FOXP2: variants seen among roughly 807,000 people sequenced by gnomAD.
FOXP2 encodes forkhead box protein P2.
A neutral mutation model predicts 115.8 loss-of-function variants in FOXP2; 12 were observed. The ratio of observed to expected loss-of-function variants is 0.10; its 90% CI spans 0.07 to 0.17. The LOEUF is 0.17. Among genes scored for constraint, FOXP2 ranks in the 10% least tolerant of loss-of-function variants. FOXP2 has a pLI of 1.00. For synonymous variants in FOXP2, 328 were observed against 297.7 expected, an observed-to-expected ratio of 1.10 and a Z score of -1.05; for missense variants, 629 against 843.5, an observed-to-expected ratio of 0.75 and a Z score of 3.15.
At chr7:114,245,853 C>T (rs1319586993) in intron 1 of FOXP2, among the ~76,000 whole-genome samples, 1 of 129,934 alleles carries the variant, frequency 7.7e-6, no homozygotes, top group African/African-American at 4.1e-5. Context: ...AGTTTTTTTT[C>T]CTTGCGTATT....
intron 16 of FOXP2, chr7:114,668,646 T>TGTGA (rs1189145469): frequency 6.6e-6 from 1 of 152,228 alleles, no homozygotes; most frequent in Non-Finnish European, 1.5e-5. Context: ...TGTGTACATG[T>TGTGA]GTGAGTGTGT....
At chr7:114,319,556 C>A (rs1202669065) in intron 2 of FOXP2, among the ~76,000 whole-genome samples, 1 of 152,110 alleles carries the variant, frequency 6.6e-6, no homozygotes, top group African/African-American at 2.4e-5. Context: ...AAAGAGAGAG[C>A]GTGTGCAGAG....
chr7:114,120,132 C>G (rs1271807308), intron 1 of FOXP2, among the ~76,000 whole-genome samples: 1 of 152,084 alleles, frequency 6.6e-6, no homozygotes, highest in African/African-American at 2.4e-5. Flanking sequence ...AGCAGAGTCT[C>G]AGAGTGGCTA....
chr7:114,655,695 C>T (rs1385652183), intron 10 of FOXP2, among the ~76,000 whole-genome samples: 3 of 152,098 alleles, frequency 2.0e-5, no homozygotes, highest in Admixed American at 6.6e-5. Context: ...TCAGTTGAGA[C>T]GGCCCACACA....
At chr7:114,203,008 A>C (rs2129159988) in intron 1 of FOXP2, among the ~76,000 whole-genome samples, 1 of 152,298 alleles carries the variant, frequency 6.6e-6, no homozygotes, top group African/African-American at 2.4e-5. Context: ...TCATTGCTTA[A>C]TTTACAAATA....
At chr7:114,304,275 G>A (rs1027990593) in intron 2 of FOXP2, among the ~76,000 whole-genome samples, 1 of 152,032 alleles carries the variant, frequency 6.6e-6, no homozygotes, top group African/African-American at 2.4e-5. Context: ...GTAAATAAGT[G>A]TGAGGAGGCT....
intron 3 of FOXP2, among the ~76,000 whole-genome samples, chr7:114,572,244 C>CA (rs60230251): frequency 0.088 from 12,854 of 145,680 alleles, 1,091 homozygotes; most frequent in East Asian, 0.23. Flanking sequence ...TGGTAAATGT[C>CA]AAAAAAAAAA....
chr7:114,102,708 A>ACG (rs1314398485), intron 1 of FOXP2, among the ~76,000 whole-genome samples: 1 of 150,364 alleles, frequency 6.7e-6, no homozygotes, highest in East Asian at 1.9e-4. Flanking sequence ...ACACACACAC[A>ACG]CACACACACA....
At chr7:114,228,900 T>C (rs996007267) in intron 1 of FOXP2, among the ~76,000 whole-genome samples, 2 of 151,650 alleles carry the variant, frequency 1.3e-5, no homozygotes, top group Admixed American at 6.6e-5. Context: ...GTTCTCCCTT[T>C]CAATACTTAT....
intron 1 of FOXP2, among the ~76,000 whole-genome samples, chr7:114,234,648 A>G (rs1794964290): frequency 6.6e-6 from 1 of 152,218 alleles, no homozygotes; most frequent in Admixed American, 6.5e-5. Flanking sequence ...CAAGGCTCTG[A>G]GTTGTTAATG....
chr7:114,252,607 T>C (rs1302947060), intron 1 of FOXP2, among the ~76,000 whole-genome samples: 3 of 152,224 alleles, frequency 2.0e-5, no homozygotes, highest in African/African-American at 7.2e-5. Context: ...TCTCTGATGT[T>C]AGTTTGTATT....
chr7:114,441,160 A>G lies in FOXP2; in HGVS notation c.168+14481A>G, dbSNP rs184567766. Reference sequence around the variant, plus strand: ...AATGATGATCAAATAAAAAATCGGAATGTTCGGCTGGGTGTGGTGGCTCAC... The same window carrying G: ...AATGATGATCAAATAAAAAATCGGAGTGTTCGGCTGGGTGTGGTGGCTCAC... On this transcript the variant is annotated intron_variant, in intron 2 of 16. Transcript: ENST00000350908. Among the ~76,000 whole-genome samples, 5 of 152,240 alleles carry G rather than the reference A, an allele frequency of 3.3e-5. No individual in the cohort carries two copies. The East Asian group carries it at 7.7e-4, about 23-fold the overall frequency.
At chr7:114,609,644 A>AAAGAGAC (rs1206864247) in intron 3 of FOXP2, among the ~76,000 whole-genome samples, 2 of 152,108 alleles carry the variant, frequency 1.3e-5, no homozygotes, top group Non-Finnish European at 2.9e-5. Context: ...TGAGCCTTCA[A>AAAGAGAC]TTTTATGAAA....
In FOXP2 at chr7:114,693,381, C is replaced by A. The variant is rs779389989; in HGVS notation, c.*3455C>A. On this transcript the variant is annotated 3_prime_UTR_variant, in exon 17 of 17. Transcript: ENST00000350908. ...CATCCTGGACTTTAATGTCCCTGGG[C>A]AGATTCAGTCGCAAAATCCAATATG... 1.8e-5 allele frequency: 8 copies of A among 453,692 alleles called. No homozygotes were observed. Among genetic ancestry groups the A allele is most frequent in the South Asian group, 1.2e-4 (8 of 64,458 alleles). The allele number at this position is 453,692 out of a possible 1,614,324, so 28.1% of individuals were successfully genotyped here.
intron 1 of FOXP2, among the ~76,000 whole-genome samples, chr7:114,278,196 A>G (rs899419974): frequency 6.6e-6 from 1 of 152,188 alleles, no homozygotes; most frequent in Admixed American, 6.5e-5. Flanking sequence ...AGAACAAAAA[A>G]GAGAAAAGAG....
chr7:114,225,778 C>A (rs960394969), intron 1 of FOXP2, among the ~76,000 whole-genome samples: 1 of 152,128 alleles, frequency 6.6e-6, no homozygotes, highest in South Asian at 2.1e-4. Context: ...TAACTTTCTT[C>A]TAAGTTTTAA....
At chr7:114,548,268 T>G (rs1800031941) in intron 3 of FOXP2, among the ~76,000 whole-genome samples, 1 of 152,330 alleles carries the variant, frequency 6.6e-6, no homozygotes, top group South Asian at 2.1e-4. Context: ...AACAGTGACT[T>G]CTGTTTCTCT....
intron 3 of FOXP2, among the ~76,000 whole-genome samples, chr7:114,612,611 G>A (rs1319187689): frequency 6.6e-6 from 1 of 152,070 alleles, no homozygotes; most frequent in Non-Finnish European, 1.5e-5. Flanking sequence ...CAGGAAGCCT[G>A]ACTCTAAATT....
intron 6 of FOXP2, among the ~76,000 whole-genome samples, chr7:114,632,830 G>C (rs2129328805): frequency 6.6e-6 from 1 of 152,088 alleles, no homozygotes; most frequent in East Asian, 1.9e-4. Flanking sequence ...GTTTTTCTGA[G>C]TTATTCTAAA....
Sources: gnomAD v4.1 joint callset for allele counts (sites outside exome capture counted in the v4.1 genomes callset) on GRCh38, gnomAD v4.1.1 for gene constraint, MANE v1.5 for transcripts, NCBI Gene and HGNC (gene_info 2026-07-23, HGNC 2026-07-21) for gene names.